CRADD: variants seen among roughly 807,000 people sequenced by gnomAD.
CRADD encodes the protein CARD and death domain containing adaptor protein, also known as death domain-containing protein CRADD.
Under a neutral mutation model 15.5 loss-of-function variants are expected in CRADD, and 9 were observed. The ratio of observed to expected loss-of-function variants is 0.58; its 90% CI spans 0.35 to 1.01. The LOEUF (loss-of-function observed/expected upper bound fraction) is 1.01. Among genes scored for constraint, CRADD ranks in the 50% least tolerant of loss-of-function variants. The pLI, the probability that CRADD is intolerant of heterozygous loss-of-function variation, is 0.02. For missense variants in CRADD, 227 were observed against 250.3 expected, an observed-to-expected ratio of 0.91 and a Z score of 0.63; for synonymous variants, 118 against 107.6, an observed-to-expected ratio of 1.10 and a Z score of -0.60.
At chr12:93,826,567 A>C (rs892403437) in intron 2 of CRADD, among the ~76,000 whole-genome samples, 2 of 152,214 alleles carry the variant, frequency 1.3e-5, no homozygotes, top group Non-Finnish European at 2.9e-5. Flanking sequence ...TGTTGCTTTG[A>C]AAGATGATTT....
At chr12:93,787,611 T>A (rs1176755540) in intron 2 of CRADD, among the ~76,000 whole-genome samples, 1 of 152,148 alleles carries the variant, frequency 6.6e-6, no homozygotes, top group Admixed American at 6.6e-5. Flanking sequence ...AGATCCACTC[T>A]CAAAGGACCT....
Position 93,678,783 on chromosome 12 carries a change from C to T in CRADD, c.9C>T (p.Ala3=). 1 of 1,610,872 alleles carries T rather than the reference C, an allele frequency of 6.2e-7. No individual in the cohort carries two copies. Among genetic ancestry groups the T allele is most frequent in the Non-Finnish European group, 8.5e-7 (1 of 1,177,844 alleles). ME[A]RDKQVLRSLR... ...GCTCTTTCCAGGGAGAAATGGAGGC[C>T]AGAGACAAACAAGTACTCCGCTCAC... The change falls in exon 2 of 3, where the codon GCC becomes GCT. Residue 3 remains alanine, a synonymous_variant. Transcript: ENST00000332896.
Position 93,770,374 on chromosome 12 carries a change from A to G in CRADD, c.299-79596A>G, listed in dbSNP as rs547869007. 2.4e-3 allele frequency among the ~76,000 whole-genome samples: 364 copies of G among 152,048 alleles called. 2 individuals are homozygous for G. Among genetic ancestry groups the G allele is most frequent in the African/African-American group, 7.3e-3 (302 of 41,506 alleles). On this transcript the variant is annotated intron_variant, in intron 2 of 2. Coordinates refer to ENST00000332896, the MANE Select transcript of CRADD (RefSeq NM_003805.5). ...GGCCTCCCAAAGTGCTGGGATTACAAGCGTGAGCCACCGCGCCCGGCCCCC... is the reference window on the plus strand; with the variant it reads ...GGCCTCCCAAAGTGCTGGGATTACAGGCGTGAGCCACCGCGCCCGGCCCCC...
At chr12:93,788,245 G>GA (rs1165691351) in intron 2 of CRADD, among the ~76,000 whole-genome samples, 1 of 152,182 alleles carries the variant, frequency 6.6e-6, no homozygotes, top group African/African-American at 2.4e-5. Flanking sequence ...CAAGGTGGCA[G>GA]GAGAGAGAAT....
intron 2 of CRADD, among the ~76,000 whole-genome samples, chr12:93,890,393 T>C (rs1281094309): frequency 1.3e-5 from 2 of 152,248 alleles, no homozygotes; most frequent in Non-Finnish European, 2.9e-5. Context: ...TGGATTTTAA[T>C]AGATGGGCTA....
intron 2 of CRADD, among the ~76,000 whole-genome samples, chr12:93,739,037 T>G (rs1956628999): frequency 6.6e-6 from 1 of 152,164 alleles, no homozygotes; most frequent in African/African-American, 2.4e-5. Context: ...GAGAGTTTTA[T>G]TTTTATTTGT....
chr12:93,746,314 A>C (rs765992806), intron 2 of CRADD, among the ~76,000 whole-genome samples: 1 of 152,242 alleles, frequency 6.6e-6, no homozygotes, highest in Non-Finnish European at 1.5e-5. Context: ...TGGCAGAAAC[A>C]TAAATGAACA....
At chr12:93,877,291 G>T (rs1347425513) in intron 2 of CRADD, among the ~76,000 whole-genome samples, 1 of 152,196 alleles carries the variant, frequency 6.6e-6, no homozygotes, top group Admixed American at 6.5e-5. Flanking sequence ...TTTCACCAAA[G>T]GCCTGATGTA....
chr12:93,878,877 C>T (rs1284926774), intron 2 of CRADD, among the ~76,000 whole-genome samples: 1 of 152,112 alleles, frequency 6.6e-6, no homozygotes, highest in South Asian at 2.1e-4. Context: ...GAGGGCTCAC[C>T]TGATTTTTGG....
At chr12:93,680,354 T>C (rs1955253411) in intron 2 of CRADD, among the ~76,000 whole-genome samples, 1 of 152,116 alleles carries the variant, frequency 6.6e-6, no homozygotes, top group African/African-American at 2.4e-5. Context: ...TTAAAAAAAA[T>C]GAATACTGAT....
intron 2 of CRADD, among the ~76,000 whole-genome samples, chr12:93,825,901 C>A (rs1304462080): frequency 6.6e-6 from 1 of 152,244 alleles, no homozygotes; most frequent in Admixed American, 6.5e-5. Context: ...CCCATTAATA[C>A]AAGCACAGTT....
At chr12:93,757,794 T>G (rs1013361119) in intron 2 of CRADD, among the ~76,000 whole-genome samples, 1 of 151,398 alleles carries the variant, frequency 6.6e-6, no homozygotes. Context: ...TGCAGGGGAG[T>G]GTCATCATCT....
At chr12:93,761,088 T>A (rs1956955033) in intron 2 of CRADD, among the ~76,000 whole-genome samples, 2 of 152,030 alleles carry the variant, frequency 1.3e-5, no homozygotes, top group South Asian at 2.1e-4. Flanking sequence ...CAACTCTGGC[T>A]GCACTTTGCA....
At chr12:93,891,833 C>A (rs1958578074) in intron 2 of CRADD, among the ~76,000 whole-genome samples, 2 of 152,220 alleles carry the variant, frequency 1.3e-5, no homozygotes, top group Admixed American at 6.5e-5. Flanking sequence ...CTGCCTGTCC[C>A]TTACTCCCCC....
chr12:93,851,283 C>G (rs1300104932), downstream of CRADD, among the ~76,000 whole-genome samples: 1 of 152,136 alleles, frequency 6.6e-6, no homozygotes, highest in Non-Finnish European at 1.5e-5. Context: ...GTGATTGGCC[C>G]AGGGTGAATG....
At chr12:93,715,278 G>T (rs949706634) in intron 2 of CRADD, among the ~76,000 whole-genome samples, 5 of 152,156 alleles carry the variant, frequency 3.3e-5, no homozygotes, top group African/African-American at 1.2e-4. Context: ...GCAAAGAAGA[G>T]AATCTTGGTT....
intron 2 of CRADD, among the ~76,000 whole-genome samples, chr12:93,778,274 T>C (rs1957161692): frequency 6.6e-6 from 1 of 152,216 alleles, no homozygotes; most frequent in Non-Finnish European, 1.5e-5. Flanking sequence ...GAAATAACTT[T>C]TCCACTGATT....
chr12:93,808,995 G>A (rs1452583868), intron 2 of CRADD, among the ~76,000 whole-genome samples: 1 of 151,946 alleles, frequency 6.6e-6, no homozygotes, highest in African/African-American at 2.4e-5. Context: ...GCTCACTTCA[G>A]CCTCCTTCTC....
At chr12:93,688,754 A>C (rs1439726093) in intron 2 of CRADD, among the ~76,000 whole-genome samples, 1 of 152,198 alleles carries the variant, frequency 6.6e-6, no homozygotes, top group South Asian at 2.1e-4. Flanking sequence ...CATAAAGTCA[A>C]ATTTCACTTC....
Sources: allele counts gnomAD v4.1 joint callset (sites outside exome capture counted in the v4.1 genomes callset), GRCh38; gene constraint gnomAD v4.1.1; transcripts MANE v1.5; gene names NCBI Gene and HGNC (gene_info 2026-07-23, HGNC 2026-07-21).